Variants in PDE4D observed in about 807,000 individuals in gnomAD.
PDE4D encodes phosphodiesterase 4D, also known as 3',5'-cyclic-AMP phosphodiesterase 4D.
PDE4D carries 24 observed loss-of-function variants against 87.4 expected under a neutral mutation model. The observed-to-expected ratio is 0.27, with a 90% confidence interval of 0.20 to 0.39. The LOEUF is 0.39. Ranked by LOEUF, PDE4D falls within the 10% of genes least tolerant of loss-of-function variation. The pLI is 1.00. For synonymous variants in PDE4D, 384 were observed against 383.2 expected, an observed-to-expected ratio of 1.00 and a Z score of -0.02; for missense variants, 714 against 1,041.0, an observed-to-expected ratio of 0.69 and a Z score of 4.32.
chr5:60,517,254 G>A (rs971302307), intron 1 of PDE4D, among the ~76,000 whole-genome samples: 1 of 152,254 alleles, frequency 6.6e-6, no homozygotes, highest in African/African-American at 2.4e-5. Flanking sequence ...GCTGAGAGTG[G>A]CTCAGTATGG....
At chr5:59,102,184 T>C (rs1770863361) in intron 5 of PDE4D, among the ~76,000 whole-genome samples, 1 of 151,292 alleles carries the variant, frequency 6.6e-6, no homozygotes, top group South Asian at 2.1e-4. Context: ...CCTCTTGGGT[T>C]CAAGCGATTC....
intron 6 of PDE4D, among the ~76,000 whole-genome samples, chr5:58,996,734 A>G (rs1399846902): frequency 2.0e-5 from 3 of 152,204 alleles, no homozygotes; most frequent in Non-Finnish European, 4.4e-5. Flanking sequence ...TACATATATT[A>G]TTGGATTTTT....
At chr5:60,491,991 G>C (rs1749556927), upstream of PDE4D, among the ~76,000 whole-genome samples, 1 of 152,180 alleles carries the variant, frequency 6.6e-6, no homozygotes, top group African/African-American at 2.4e-5. Context: ...AAATTGTCGG[G>C]AGGGATAGCA....
At position 60,394,890 on chromosome 5, in the gene PDE4D, TACAA is replaced by T. The variant is rs1446711361; in HGVS notation, c.-90+93048_-90+93051del. Among the ~76,000 whole-genome samples, 5 of 152,326 alleles carry T rather than the reference TACAA, an allele frequency of 3.3e-5. No homozygotes were observed. The East Asian group carries it at 9.6e-4, about 29-fold the overall frequency. On this transcript the variant is annotated intron_variant, in intron 1 of 16. Transcript: ENST00000502484. Reference sequence around the variant, plus strand: ...TGGGGTTTTCCACATCTTGCTCCGGTACAAACATTTTCTTGATGGCAAGAACCAA... The same window carrying T: ...TGGGGTTTTCCACATCTTGCTCCGGTACATTTTCTTGATGGCAAGAACCAA...
intron 3 of PDE4D, among the ~76,000 whole-genome samples, chr5:59,984,823 C>T (rs1762258106): frequency 6.6e-6 from 1 of 151,988 alleles, no homozygotes; most frequent in Non-Finnish European, 1.5e-5. Flanking sequence ...ATCTGGCATA[C>T]TGATATGCCA....
At chr5:59,675,968 A>G (rs1359183448) in intron 1 of PDE4D, among the ~76,000 whole-genome samples, 3 of 152,174 alleles carry the variant, frequency 2.0e-5, no homozygotes, top group Admixed American at 6.5e-5. Context: ...CTGGGATTAC[A>G]GGCATGAGCC....
In PDE4D at chr5:59,108,976, T is replaced by TGA. The variant is rs1302767800; in HGVS notation, c.809-70006_809-70005insTC. ...CTCAATGTGTGTGTGTGTGTGTGTG[T>TGA]GTGTGTGTGTGTGTGTGTGTGTGTG... On this transcript the variant is annotated intron_variant, in intron 5 of 14. Transcript: ENST00000340635. Among the ~76,000 whole-genome samples, 5 of 150,384 alleles carry TGA rather than the reference T, an allele frequency of 3.3e-5. No homozygotes were observed. The East Asian group carries it at 9.7e-4, about 29-fold the overall frequency.
chr5:59,146,039 A>G lies in PDE4D; in HGVS notation c.808+34556T>C, dbSNP rs377482464. On this transcript the variant is annotated intron_variant, in intron 5 of 14. Transcript: ENST00000340635. ...CTACTCGGGAGGCTAAGGCAGGAGA[A>G]TCGCTTGAACCTGGGAGGTGGAGGT... 9.2e-4 allele frequency among the ~76,000 whole-genome samples: 140 copies of G among 152,316 alleles called. 3 individuals are homozygous for G. The highest frequency in any genetic ancestry group is 3.3e-3 in the African/African-American group (136 of 41,576).
At chr5:59,520,113 A>T (rs933217092) in intron 1 of PDE4D, among the ~76,000 whole-genome samples, 2 of 152,124 alleles carry the variant, frequency 1.3e-5, no homozygotes, top group African/African-American at 4.8e-5. Context: ...ATACAAAAAA[A>T]TTAGCTGGGT....
chr5:59,611,501 C>T (rs295967), intron 1 of PDE4D, among the ~76,000 whole-genome samples: 131,181 of 152,014 alleles, frequency 0.86, 56,660 homozygotes, highest in South Asian at 0.93. Context: ...CTCATCACAA[C>T]CTGCACTTGT....
chr5:59,962,367 G>C (rs1450749643), intron 3 of PDE4D, among the ~76,000 whole-genome samples: 1 of 151,882 alleles, frequency 6.6e-6, no homozygotes, highest in Non-Finnish European at 1.5e-5. Context: ...ATAAAATGTT[G>C]ACATTGACAG....
At chr5:60,153,148 A>G (rs564644287) in intron 2 of PDE4D, among the ~76,000 whole-genome samples, 77 of 152,346 alleles carry the variant, frequency 5.1e-4, no homozygotes, top group Non-Finnish European at 9.1e-4. Flanking sequence ...TTGGTATCCA[A>G]AATATATTTG....
At chr5:59,643,619 T>A (rs973186885) in intron 1 of PDE4D, among the ~76,000 whole-genome samples, 1 of 152,218 alleles carries the variant, frequency 6.6e-6, no homozygotes, top group African/African-American at 2.4e-5. Flanking sequence ...AAATGTATGG[T>A]GAAAATGAAC....
chr5:59,422,537 C>A (rs933782645), intron 1 of PDE4D, among the ~76,000 whole-genome samples: 1 of 152,188 alleles, frequency 6.6e-6, no homozygotes, highest in African/African-American at 2.4e-5. Context: ...ATAACAGAAG[C>A]TTTCCGTTTG....
chr5:59,498,995 A>G (rs953652934), intron 1 of PDE4D, among the ~76,000 whole-genome samples: 3 of 152,122 alleles, frequency 2.0e-5, no homozygotes, highest in Non-Finnish European at 2.9e-5. Flanking sequence ...CACATGATAT[A>G]TATTCCAAGA....
chr5:60,096,339 G>GGGAAAACTGGCTAGCCATATGC (rs1262987249), intron 2 of PDE4D, among the ~76,000 whole-genome samples: 1 of 152,016 alleles, frequency 6.6e-6, no homozygotes, highest in Admixed American at 6.6e-5. Context: ...AAATGGTGTT[G>GGGAAAACTGGCTAGCCATATGC]GGAAAACTGG....
At chr5:59,437,757 G>A (rs2153634615) in intron 1 of PDE4D, among the ~76,000 whole-genome samples, 1 of 152,008 alleles carries the variant, frequency 6.6e-6, no homozygotes. Context: ...CATCAAGACA[G>A]GACTGATTTC....
chr5:60,167,951 A>C (rs1425056900), intron 2 of PDE4D, among the ~76,000 whole-genome samples: 1 of 152,176 alleles, frequency 6.6e-6, no homozygotes, highest in Non-Finnish European at 1.5e-5. Flanking sequence ...GTCTTTACAG[A>C]ATGGATTTGT....
At chr5:60,321,041 G>GA (rs2149839567) in intron 1 of PDE4D, among the ~76,000 whole-genome samples, 1 of 152,174 alleles carries the variant, frequency 6.6e-6, no homozygotes, top group East Asian at 1.9e-4. Flanking sequence ...CAAAAAATTT[G>GA]AAAAACCCAT....
Sources: gnomAD v4.1 joint callset for allele counts (sites outside exome capture counted in the v4.1 genomes callset) on GRCh38, gnomAD v4.1.1 for gene constraint, MANE v1.5 for transcripts, NCBI Gene and HGNC (gene_info 2026-07-23, HGNC 2026-07-21) for gene names.